Variants in DYSF observed in about 807,000 individuals in gnomAD.
DYSF encodes the protein dystrophy-associated fer-1-like 1.
In DYSF, 212 loss-of-function variants were observed where a neutral mutation model predicts 274.9. The observed-to-expected ratio is 0.77, with a 90% CI of 0.69 to 0.86. DYSF has a LOEUF of 0.86. DYSF is among the 40% of genes least tolerant of loss of function. DYSF has a pLI of 0.00. For synonymous variants in DYSF, 1,091 were observed against 1,078.7 expected (o/e 1.01, Z -0.22); for missense variants, 2,666 against 2,783.2 (o/e 0.96, Z 0.95).
intron 33 of DYSF, among the ~76,000 whole-genome samples, chr2:71,600,266 T>C (rs895278249): frequency 6.6e-6 from 1 of 152,162 alleles, no homozygotes; most frequent in African/African-American, 2.4e-5. Flanking sequence ...GTGATCACAG[T>C]TTCCCCATTT....
chr2:71,656,140 C>T (rs776450930), intron 42 of DYSF, 22 bp from the exon 43 acceptor site: 4 of 1,614,004 alleles, frequency 2.5e-6, no homozygotes, highest in South Asian at 1.1e-5. Context: ...TTGTCCCCTC[C>T]TCTAATCCCC....
Position 71,610,355 on chromosome 2 carries a change from A to G in DYSF, c.3958-890A>G, listed in dbSNP as rs555557833. ...GTTGACAACTTTTGCTAACCATTTT[A>G]TAGATGAAAACATTCAGCTATAGGA... On this transcript the variant is annotated intron_variant, in intron 36 of 55. Transcript: ENST00000410020. 6.6e-5 allele frequency among the ~76,000 whole-genome samples: 10 copies of G among 152,370 alleles called. No homozygotes were observed. In the South Asian group the frequency reaches 1.4e-3, roughly 22 times the overall value.
intron 4 of DYSF, among the ~76,000 whole-genome samples, chr2:71,508,781 T>C (rs1322481007): frequency 6.6e-6 from 1 of 152,220 alleles, no homozygotes; most frequent in East Asian, 1.9e-4. Context: ...ATGTCAGAAT[T>C]TTGTGACTTT....
In DYSF at chr2:71,679,124, C is replaced by A. The variant is rs757881696; in HGVS notation, c.5952C>A (p.Asp1984Glu). 6.2e-6 allele frequency: 10 copies of A among 1,613,808 alleles called. No individual in the cohort carries two copies. Among genetic ancestry groups the A allele is most frequent in the African/African-American group, 1.3e-5 (1 of 74,872 alleles). The change falls in exon 53 of 56, where the codon GAC (aspartate) becomes GAA (glutamate). Residue 1984 changes from aspartate to glutamate, a missense_variant. By Grantham distance (45) the Asp-to-Glu change is conservative. Transcript: ENST00000410020. ...PAKTAKKCSL[D>E]QLDDAFHPEW... ...AGACAGCCAAGAAGTGCTCCTTGGA[C>A]CAGCTGGATGATGCTTTCCACCCAG...
At chr2:71,454,227 G>C (rs2080956912) in intron 1 of DYSF, 1 of 833,542 alleles carries the variant, frequency 1.2e-6, no homozygotes, top group African/African-American at 1.7e-5. Flanking sequence ...GTGTTGCAAC[G>C]ACACAGGTCT....
intron 22 of DYSF, among the ~76,000 whole-genome samples, chr2:71,557,327 G>A (rs1372711934): frequency 1.3e-5 from 2 of 152,256 alleles, no homozygotes; most frequent in African/African-American, 4.8e-5. Context: ...GGAGGAGCAG[G>A]AGTTAGCCTT....
chr2:71,660,070 T>C lies in DYSF; in HGVS notation c.4912-490T>C, dbSNP rs140940792. Among the ~76,000 whole-genome samples, 273 of 152,328 alleles carry C rather than the reference T, an allele frequency of 1.8e-3. 1 individual carries two copies. Among genetic ancestry groups the C allele is most frequent in the African/African-American group, 6.2e-3 (259 of 41,574 alleles). On this transcript the variant is annotated intron_variant, in intron 44 of 55. Transcript: ENST00000410020. ...TATATGCTTGAAGCCTTCCTGATGC[T>C]AGACTAACCCTGGGCACTCTGCAGC...
At chr2:71,617,735 GGT>G (rs1172243732) in intron 40 of DYSF, among the ~76,000 whole-genome samples, 1 of 141,932 alleles carries the variant, frequency 7.0e-6, no homozygotes, top group Non-Finnish European at 1.5e-5. Context: ...TGGTAGAGGT[GGT>G]GTGTGTGTAT....
At chr2:71,575,658 G>T (rs2092678021) in intron 30 of DYSF, among the ~76,000 whole-genome samples, 1 of 152,126 alleles carries the variant, frequency 6.6e-6, no homozygotes. Context: ...GAGGGGTGGG[G>T]TATAAAGACC....
At chr2:71,669,334 C>T in intron 50 of DYSF, 127 bp downstream of exon 50, 1 of 938,892 alleles carries the variant, frequency 1.1e-6, no homozygotes, top group Non-Finnish European at 1.7e-6. Context: ...ACGAGGGCTC[C>T]TGGGGGTGGT....
chr2:71,611,706 G>A, intron 38 of DYSF, 80 bp downstream of exon 38: 4 of 1,534,064 alleles, frequency 2.6e-6, no homozygotes, highest in Non-Finnish European at 3.5e-6. Context: ...CCTGGGGCTT[G>A]TGCTCCAATT....
intron 4 of DYSF, among the ~76,000 whole-genome samples, chr2:71,505,997 C>A (rs1427986152): frequency 6.6e-6 from 1 of 152,158 alleles, no homozygotes; most frequent in Admixed American, 6.5e-5. Context: ...GCCAACCAAC[C>A]CTGTATCAGC....
chr2:71,630,426 T>C lies in DYSF; in HGVS notation c.4527+9817T>C, dbSNP rs535446447. On this transcript the variant is annotated intron_variant, in intron 41 of 55. Transcript: ENST00000410020. ...CTATGTAGGAATTTCTTAAGTAAAG[T>C]AGAGTTGACCCTCTCCCACTAGGCC... Among the ~76,000 whole-genome samples, 10 of 152,308 alleles carry C rather than the reference T, an allele frequency of 6.6e-5. No homozygotes were observed. The South Asian group carries it at 1.7e-3, about 25-fold the overall frequency.
intron 34 of DYSF, 100 bp downstream of exon 34, chr2:71,600,942 T>G: frequency 6.6e-7 from 1 of 1,521,018 alleles, no homozygotes; most frequent in Non-Finnish European, 9.0e-7. Flanking sequence ...AAGCCAGGCC[T>G]CCTGCTGAGA....
intron 55 of DYSF, among the ~76,000 whole-genome samples, chr2:71,684,064 A>G (rs2095327662): frequency 6.6e-6 from 1 of 152,236 alleles, no homozygotes; most frequent in East Asian, 1.9e-4. Context: ...CAGGCCTGCT[A>G]AGCTGGCTGT....
At position 71,561,947 on chromosome 2, in the gene DYSF, A is replaced by C. The variant is rs1194284381; in HGVS notation, c.2409+3A>C. On this transcript the variant is annotated splice_donor_region_variant and intron_variant, in intron 23 of 55. Coordinates refer to ENST00000410020, the MANE Select transcript of DYSF (RefSeq NM_001130987.2). ...GTCTGCGTGCCCTGGCAGAGGAGGTAATTAAGCCTGGGGGTGCCTTTCTTC... is the reference window on the plus strand; with the variant it reads ...GTCTGCGTGCCCTGGCAGAGGAGGTCATTAAGCCTGGGGGTGCCTTTCTTC... The C allele has an allele frequency of 1.2e-6, 2 of 1,613,030 alleles. No individual in the cohort carries two copies. The highest frequency in any genetic ancestry group is 1.7e-6 in the Non-Finnish European group (2 of 1,179,732).
chr2:71,513,849 C>T lies in DYSF; in HGVS notation c.687C>T (p.Tyr229=), dbSNP rs564416027. The T allele has an allele frequency of 1.2e-6, 2 of 1,614,222 alleles. No homozygotes were observed. Among genetic ancestry groups the T allele is most frequent in the African/African-American group, 2.7e-5 (2 of 75,060 alleles). Reference sequence around the variant, plus strand: ...TACCTTCACGTCCTCCGCCCCACTACCCCGGGATCAAAAGAAAGCGAAGTG... The same window carrying T: ...TACCTTCACGTCCTCCGCCCCACTATCCCGGGATCAAAAGAAAGCGAAGTG... ...RKLPSRPPPH[Y]PGIKRKRSAP... The change falls in exon 7 of 56, where the codon TAC becomes TAT. Residue 229 remains tyrosine (Y), a synonymous_variant. Transcript: ENST00000410020.
chr2:71,473,845 A>G (rs1380512316), intron 1 of DYSF, among the ~76,000 whole-genome samples: 1 of 150,778 alleles, frequency 6.6e-6, no homozygotes, highest in Non-Finnish European at 1.5e-5. Flanking sequence ...CTGAAACTCT[A>G]TACCCATTGA....
At chr2:71,477,731 A>G (rs1174375421) in intron 1 of DYSF, among the ~76,000 whole-genome samples, 2 of 152,248 alleles carry the variant, frequency 1.3e-5, no homozygotes, top group Non-Finnish European at 2.9e-5. Flanking sequence ...TTAATGTAGC[A>G]GAGTACAAAA....
Sources: allele counts gnomAD v4.1 joint callset (sites outside exome capture counted in the v4.1 genomes callset), GRCh38; gene constraint gnomAD v4.1.1; transcripts MANE v1.5; gene names NCBI Gene and HGNC (gene_info 2026-07-23, HGNC 2026-07-21).